The following LOXHD1 variants were observed in gnomAD, a reference collection of about 807,000 sequenced individuals.
LOXHD1 encodes the protein lipoxygenase homology PLAT domains 1, also known as lipoxygenase homology domain-containing protein 1.
In LOXHD1, 205 loss-of-function variants were observed where a neutral mutation model predicts 248.2. The ratio of observed to expected loss-of-function variants is 0.83; its 90% CI spans 0.74 to 0.93. The LOEUF (loss-of-function observed/expected upper bound fraction) is 0.93. Among genes scored for constraint, LOXHD1 ranks in the 40% least tolerant of loss-of-function variants. The pLI is 0.00. For missense variants in LOXHD1, 2,930 were observed against 2,971.6 expected (o/e 0.99, Z 0.33); for synonymous variants, 1,113 against 1,162.8 (o/e 0.96, Z 0.87).
chr18:46,566,239 C>A lies in LOXHD1; in HGVS notation c.2437+18G>T. 6.5e-7 allele frequency: 1 copy of A among 1,536,742 alleles called. No homozygotes were observed. Among genetic ancestry groups the A allele is most frequent in the Non-Finnish European group, 8.8e-7 (1 of 1,136,238 alleles). On this transcript the variant is annotated intron_variant, in intron 17 of 40. Coordinates refer to ENST00000642948, the MANE Select transcript of LOXHD1 (RefSeq NM_001384474.1). ...CCATGGGAAACAATGGGTGGTCCCA[C>A]CACAGCCTCCTCCATACATTTCTGG...
chr18:46,518,019 C>T lies in LOXHD1; in HGVS notation c.5399+110G>A, dbSNP rs1053651597. 6.6e-6 allele frequency: 9 copies of T among 1,365,532 alleles called. No individual in the cohort carries two copies. In the African/African-American group the frequency reaches 1.3e-4, roughly 20 times the overall value. The allele number at this position is 1,365,532 out of a possible 1,614,324, so 84.6% of individuals were successfully genotyped here. ...TAGACAAAGGCAGAGGAAGGAAGGC[C>T]TCATGGTCTGCAGCGGGCATGTGAG... On this transcript the variant is annotated intron_variant, in intron 34 of 40. Transcript: ENST00000642948.
chr18:46,605,418 G>A (rs12963349), intron 6 of LOXHD1, among the ~76,000 whole-genome samples: 3 of 75,252 alleles, frequency 4.0e-5, no homozygotes, highest in African/African-American at 9.3e-5. Flanking sequence ...TCTCAGCTAC[G>A]CAGGAGAATG....
intron 2 of LOXHD1, among the ~76,000 whole-genome samples, chr18:46,647,586 T>C (rs1200431084): frequency 6.6e-6 from 1 of 152,194 alleles, no homozygotes; most frequent in Non-Finnish European, 1.5e-5. Flanking sequence ...GTATTCTCTT[T>C]ACCGTGCCCA....
At chr18:46,499,381 G>A (rs1198777265) in intron 37 of LOXHD1, among the ~76,000 whole-genome samples, 1 of 152,152 alleles carries the variant, frequency 6.6e-6, no homozygotes, top group Non-Finnish European at 1.5e-5. Context: ...CTGTTAGCTT[G>A]GGCAAAAGAT....
chr18:46,494,998 C>G (rs1046138232), intron 37 of LOXHD1, among the ~76,000 whole-genome samples: 3 of 151,608 alleles, frequency 2.0e-5, no homozygotes, highest in African/African-American at 7.3e-5. Context: ...GGACTACAGG[C>G]GCCCGCCACT....
At chr18:46,537,675 G>A (rs1451736999) in intron 26 of LOXHD1, among the ~76,000 whole-genome samples, 1 of 152,196 alleles carries the variant, frequency 6.6e-6, no homozygotes, top group East Asian at 1.9e-4. Context: ...AGACCTGATG[G>A]GAAGCCATGG....
At position 46,524,595 on chromosome 18, in the gene LOXHD1, T is replaced by C. The variant is rs556858216; in HGVS notation, c.4747A>G (p.Thr1583Ala). The C allele has an allele frequency of 1.3e-6, 2 of 1,551,712 alleles. No individual in the cohort carries two copies. Among genetic ancestry groups the C allele is most frequent in the East Asian group, 2.4e-5 (1 of 40,914 alleles). The change falls in exon 31 of 41, where the codon ACT becomes GCT. Residue 1583 changes from threonine to alanine, a missense_variant. By Grantham distance (58) the Thr-to-Ala change is moderately conservative (BLOSUM62 0). Transcript: ENST00000642948. ...CTGCAGTTGCTGCTGCGGTCCCCAG[T>C]GTACTCCTGTGTGGGAGAGCAGGAC... The part of the protein sequence containing the change: ...LERLFYEKEY[T>A]GDRSSNCSSP...
At chr18:46,656,580 G>A (rs2039184656) in intron 1 of LOXHD1, among the ~76,000 whole-genome samples, 1 of 152,306 alleles carries the variant, frequency 6.6e-6, no homozygotes, top group South Asian at 2.1e-4. Flanking sequence ...ACCTACTCGG[G>A]GACCAGACTG....
At chr18:46,595,363 CT>C (rs1334547660) in intron 8 of LOXHD1, among the ~76,000 whole-genome samples, 1 of 152,158 alleles carries the variant, frequency 6.6e-6, no homozygotes, top group African/African-American at 2.4e-5. Context: ...CAGAGAAATG[CT>C]CCTCCCTAGA....
intron 7 of LOXHD1, among the ~76,000 whole-genome samples, chr18:46,602,111 TCTGGGA>T (rs1351078409): frequency 1.3e-5 from 2 of 152,212 alleles, no homozygotes; most frequent in Non-Finnish European, 2.9e-5. Flanking sequence ...GAGATTAAAC[TCTGGGA>T]CTGGGCGAAG....
intron 17 of LOXHD1, among the ~76,000 whole-genome samples, chr18:46,564,823 T>C (rs1464282642): frequency 6.6e-6 from 1 of 152,198 alleles, no homozygotes; most frequent in African/African-American, 2.4e-5. Flanking sequence ...TAAAGGAACT[T>C]GCAGGTTGCT....
intron 34 of LOXHD1, 56 bp from the exon 35 acceptor site, chr18:46,509,871 G>T: frequency 1.8e-6 from 2 of 1,140,172 alleles, no homozygotes; most frequent in South Asian, 1.3e-5. Flanking sequence ...GGGAGGGTTG[G>T]GGTGGGCCAG....
At chr18:46,504,797 G>C (rs1035908713) in intron 37 of LOXHD1, among the ~76,000 whole-genome samples, 17 of 152,216 alleles carry the variant, frequency 1.1e-4, no homozygotes, top group African/African-American at 4.8e-5. Context: ...CAGCCATTTG[G>C]GAGACCCAGC....
chr18:46,578,837 A>T (rs2037907978), intron 13 of LOXHD1, among the ~76,000 whole-genome samples: 1 of 152,214 alleles, frequency 6.6e-6, no homozygotes, highest in South Asian at 2.1e-4. Flanking sequence ...TGCTCACAAC[A>T]GCCCACCACA....
At chr18:46,564,906 T>A (rs541651431) in intron 17 of LOXHD1, among the ~76,000 whole-genome samples, 4 of 152,260 alleles carry the variant, frequency 2.6e-5, no homozygotes, top group Non-Finnish European at 5.9e-5. Context: ...ACACTGGGGT[T>A]CCCTCTCAGG....
intron 8 of LOXHD1, among the ~76,000 whole-genome samples, chr18:46,597,825 C>G (rs888101779): frequency 6.6e-6 from 1 of 151,610 alleles, no homozygotes; most frequent in African/African-American, 2.4e-5. Flanking sequence ...GGCGCAATCT[C>G]AGCGCACTGC....
At chr18:46,523,376 A>C (rs2035673442) in intron 31 of LOXHD1, among the ~76,000 whole-genome samples, 1 of 152,162 alleles carries the variant, frequency 6.6e-6, no homozygotes. Context: ...AACCATAGGC[A>C]ACATTTAGGT....
Position 46,590,441 on chromosome 18 carries a change from G to A in LOXHD1, c.1654+1492C>T, listed in dbSNP as rs564374129. 3.3e-5 allele frequency among the ~76,000 whole-genome samples: 5 copies of A among 152,258 alleles called. No homozygotes were observed. The South Asian group carries it at 6.2e-4, about 19-fold the overall frequency. ...TAAAATCGTGAGAGTTAGTTAAAAGGGTTTCAAAAGCAGTTACGGCCCAAG... is the reference window on the plus strand; with the variant it reads ...TAAAATCGTGAGAGTTAGTTAAAAGAGTTTCAAAAGCAGTTACGGCCCAAG... On this transcript the variant is annotated intron_variant, in intron 12 of 40. Transcript: ENST00000642948.
intron 37 of LOXHD1, among the ~76,000 whole-genome samples, chr18:46,491,374 G>A (rs2033461897): frequency 6.6e-6 from 1 of 152,222 alleles, no homozygotes; most frequent in Non-Finnish European, 1.5e-5. Context: ...GAGCCCTACT[G>A]CCAGAGTTTC....
Sources: gnomAD v4.1 joint callset for allele counts (sites outside exome capture counted in the v4.1 genomes callset) on GRCh38, gnomAD v4.1.1 for gene constraint, MANE v1.5 for transcripts, NCBI Gene and HGNC (gene_info 2026-07-23, HGNC 2026-07-21) for gene names.